MYO18A: variants seen among roughly 807,000 people sequenced by gnomAD.
MYO18A encodes the protein myosin XVIIIA.
A neutral mutation model predicts 235.8 loss-of-function variants in MYO18A; 78 were observed. That is an observed-to-expected ratio of 0.33 (90% CI 0.28 to 0.40). The LOEUF (loss-of-function observed/expected upper bound fraction) is 0.40. MYO18A is among the 10% of genes least tolerant of loss of function. The pLI, the probability that MYO18A is intolerant of heterozygous loss-of-function variation, is 1.00. For synonymous variants in MYO18A, 977 were observed against 1,077.8 expected, an observed-to-expected ratio of 0.91 and a Z score of 1.83; for missense variants, 2,215 against 2,699.3, an observed-to-expected ratio of 0.82 and a Z score of 3.98.
At chr17:29,135,862 G>C (rs1342114763) in intron 2 of MYO18A, among the ~76,000 whole-genome samples, 1 of 152,248 alleles carries the variant, frequency 6.6e-6, no homozygotes, top group Non-Finnish European at 1.5e-5. Context: ...ATAAATGCTT[G>C]AGGGGGTAGA....
intron 40 of MYO18A, 139 bp from the exon 41 acceptor site, chr17:29,082,577 T>C (rs2066148046): frequency 1.2e-6 from 1 of 809,506 alleles, no homozygotes; most frequent in Non-Finnish European, 2.0e-6. Flanking sequence ...AGGGCGGGAA[T>C]GAGAGAGGTT....
At chr17:29,122,013 T>G in intron 3 of MYO18A, 56 bp from the exon 4 acceptor site, 3 of 1,583,782 alleles carry the variant, frequency 1.9e-6, no homozygotes, top group Non-Finnish European at 1.7e-6. Flanking sequence ...GCTACTCCAC[T>G]TGGGAACTTC....
At position 29,115,717 on chromosome 17, in the gene MYO18A, C is replaced by T. The variant is rs1383282533; in HGVS notation, c.2174G>A (p.Arg725His). ...GGGGCCCTGGCGGAAGGAGGTGGAG[C>T]GCTGCAGGGTGCCACCCTTGTGCTG... ...KHQHKGGTLQ[R>H]STSFRQGPEE... Residue 725 changes from arginine to histidine, a missense_variant, in exon 12 of 42, where the codon CGC becomes CAC. Physicochemically the swap from Arg to His is conservative, Grantham distance 29. Coordinates refer to ENST00000527372, the MANE Select transcript of MYO18A (RefSeq NM_078471.4). 8 of 1,605,356 alleles carry T rather than the reference C, an allele frequency of 5.0e-6. No homozygotes were observed. The East Asian group carries it at 6.7e-5, about 13-fold the overall frequency.
At position 29,106,070 on chromosome 17, in the gene MYO18A, G is replaced by C. The variant is rs1334421997; in HGVS notation, c.3441+1010C>G. ...AAAGAGAGGTTCTGATGGAGCCAGA[G>C]AGCGGGTGTCCTGAGGGGAAGAGAG... On this transcript the variant is annotated intron_variant, in intron 20 of 41. Transcript: ENST00000527372. The surrounding 1 kb of genome is among the most constrained non-coding windows in gnomAD (Gnocchi z 4.6). Among the ~76,000 whole-genome samples, 1 of 152,224 alleles carries C rather than the reference G, an allele frequency of 6.6e-6. No homozygotes were observed. Among genetic ancestry groups the C allele is most frequent in the Non-Finnish European group, 1.5e-5 (1 of 68,040 alleles).
rs2152921806 is a variant in MYO18A, at chr17:29,138,944, C to T, written c.1000-16691G>A. Among the ~76,000 whole-genome samples the T allele has an allele frequency of 1.3e-5, 2 of 152,298 alleles. 1 individual carries two copies. Among genetic ancestry groups the T allele is most frequent in the South Asian group, 4.1e-4 (2 of 4,826 alleles). ...GATGACCCGCCCCTCCACCCACCAA[C>T]CTGAATATGCTTTACGTGGAACTGC... is the stretch of plus-strand genomic sequence containing the variant. On this transcript the variant is annotated intron_variant, in intron 2 of 41. Coordinates refer to ENST00000527372, the MANE Select transcript of MYO18A (RefSeq NM_078471.4).
chr17:29,129,013 T>A (rs1452511790), intron 2 of MYO18A: 1 of 1,282,178 alleles, frequency 7.8e-7, no homozygotes, highest in Non-Finnish European at 1.0e-6. Flanking sequence ...CCCACCTCCA[T>A]TCCTACCACC....
At chr17:29,113,615 A>AC (rs1411881808) in intron 15 of MYO18A, among the ~76,000 whole-genome samples, 1 of 152,164 alleles carries the variant, frequency 6.6e-6, no homozygotes, top group African/African-American at 2.4e-5. Flanking sequence ...GGAGGGAATG[A>AC]CTATGTCCTT....
chr17:29,125,765 G>GA lies in MYO18A; in HGVS notation c.1000-3513dup. 1.9e-5 allele frequency: 5 copies of GA among 260,436 alleles called. No individual in the cohort carries two copies. The highest frequency in any genetic ancestry group is 3.0e-5 in the Non-Finnish European group (5 of 166,374). 16.1% of individuals were successfully genotyped at this position (260,436 alleles called of 1,614,324 possible). On this transcript the variant is annotated intron_variant, in intron 2 of 41. Transcript: ENST00000527372. This position sits in a 1 kb window ranked among gnomAD's most constrained non-coding sequence, Gnocchi z 5.1. ...ATTTCTTTAAGAGAGAGCCCAACAT[G>GA]AGGGCCCACAGGCCGCCATGGAGCC...
chr17:29,107,100 T>C lies in MYO18A; in HGVS notation c.3421A>G (p.Ile1141Val). 6.2e-7 allele frequency: 1 copy of C among 1,613,970 alleles called. No individual in the cohort carries two copies. The highest frequency in any genetic ancestry group is 8.5e-7 in the Non-Finnish European group (1 of 1,179,876). Residue 1141 changes from isoleucine (I) to valine (V), a missense_variant, in exon 20 of 42, where the codon ATC becomes GTC. Transcript: ENST00000527372. ...HLTKKHGRNY[I>V]VVDERRAVEE... is the part of the protein sequence containing the mutation. ...CCTACCCGCCTTTCATCCACCACGA[T>C]GTAGTTACGCCCGTGTTTCTTGGTC...
intron 41 of MYO18A, chr17:29,081,085 G>GAGA: frequency 5.2e-6 from 4 of 762,892 alleles, no homozygotes; most frequent in Non-Finnish European, 6.4e-6. Context: ...GAGAGAGAGA[G>GAGA]GAACAAGTAT....
chr17:29,115,138 G>A, intron 13 of MYO18A, 39 bp from the exon 14 acceptor site: 1 of 1,572,902 alleles, frequency 6.4e-7, no homozygotes, highest in Non-Finnish European at 8.6e-7. Flanking sequence ...TCGCTGGTTG[G>A]CCCCGGGCAC....
In MYO18A at chr17:29,074,244, C is replaced by T. The variant is rs538937701; in HGVS notation, c.*526G>A. ...GCCCCAGCTACCACTACAGCCCCCT[C>T]CCACTCTCAGGGATGCAGCTGTGAT... On this transcript the variant is annotated 3_prime_UTR_variant, in exon 42 of 42. Coordinates refer to ENST00000527372, the MANE Select transcript of MYO18A (RefSeq NM_078471.4). This position sits in a 1 kb window ranked among gnomAD's most constrained non-coding sequence, Gnocchi z 4.4. 1.3e-6 allele frequency: 2 copies of T among 1,514,744 alleles called. No homozygotes were observed. Among genetic ancestry groups the T allele is most frequent in the South Asian group, 1.3e-5 (1 of 78,524 alleles). The allele number at this position is 1,514,744 out of a possible 1,614,324, so 93.8% of individuals were successfully genotyped here.
chr17:29,093,201 G>T, intron 32 of MYO18A, 122 bp downstream of exon 32: 1 of 1,079,216 alleles, frequency 9.3e-7, no homozygotes, highest in Non-Finnish European at 1.3e-6. Context: ...ATGACGATGG[G>T]CTCTTTGCAG....
chr17:29,110,933 A>C (rs905948939), intron 17 of MYO18A, among the ~76,000 whole-genome samples: 2 of 152,208 alleles, frequency 1.3e-5, no homozygotes, highest in African/African-American at 4.8e-5. Context: ...CCAATGTGAC[A>C]GGAGGGGTTA....
intron 40 of MYO18A, among the ~76,000 whole-genome samples, chr17:29,085,046 G>A (rs553053233): frequency 2.6e-5 from 4 of 152,310 alleles, no homozygotes; most frequent in African/African-American, 7.2e-5. Context: ...CCCTTCCCCC[G>A]CCACGGCAAG....
chr17:29,164,164 A>T (rs1285636860), intron 2 of MYO18A, among the ~76,000 whole-genome samples: 1 of 152,226 alleles, frequency 6.6e-6, no homozygotes, highest in African/African-American at 2.4e-5. Flanking sequence ...TGCTGGGATT[A>T]CAGGCGTGAG....
chr17:29,136,250 A>AAATATATAT (rs1483354837), intron 2 of MYO18A, among the ~76,000 whole-genome samples: 1 of 82,470 alleles, frequency 1.2e-5, no homozygotes, highest in African/African-American at 4.6e-5. Context: ...AAAAAAAAAA[A>AAATATATAT]ATATATATAT....
intron 2 of MYO18A, chr17:29,128,104 C>G: frequency 9.4e-7 from 1 of 1,059,204 alleles, no homozygotes; most frequent in African/African-American, 1.7e-5. Context: ...GCTCCTTGCC[C>G]CTGCCCCGAG....
chr17:29,119,660 T>G (rs908941378), intron 7 of MYO18A, among the ~76,000 whole-genome samples: 3 of 151,296 alleles, frequency 2.0e-5, no homozygotes, highest in African/African-American at 7.3e-5. Flanking sequence ...GCCTCCTGGG[T>G]TTAAGCAATT....
Sources: allele counts gnomAD v4.1 joint callset (sites outside exome capture counted in the v4.1 genomes callset), GRCh38; gene constraint gnomAD v4.1.1; non-coding constraint Gnocchi (gnomAD v3.1); transcripts MANE v1.5; gene names NCBI Gene and HGNC (gene_info 2026-07-23, HGNC 2026-07-21).